DCDC1: variants seen among roughly 807,000 people sequenced by gnomAD.
DCDC1 encodes the protein doublecortin domain-containing protein 1.
In DCDC1, 200 loss-of-function variants were observed where a neutral mutation model predicts 178.3. That is an observed-to-expected ratio of 1.12 (90% CI 1.00 to 1.26). The LOEUF (loss-of-function observed/expected upper bound fraction) is 1.26. Ranked by LOEUF, DCDC1 falls within the 50% of genes most tolerant of loss-of-function variation. DCDC1 has a pLI of 0.00. For missense variants in DCDC1, 1,983 were observed against 1,749.2 expected, an observed-to-expected ratio of 1.13 and a Z score of -2.38; for synonymous variants, 690 against 604.8, an observed-to-expected ratio of 1.14 and a Z score of -2.07.
intron 11 of DCDC1, among the ~76,000 whole-genome samples, chr11:31,125,606 T>C (rs773197484): frequency 6.6e-6 from 1 of 152,108 alleles, no homozygotes; most frequent in Non-Finnish European, 1.5e-5. Context: ...TGAAAAGGAA[T>C]GAGATCATGT....
chr11:30,929,831 C>G lies in DCDC1; in HGVS notation c.2897+1940G>C, dbSNP rs144166293. On this transcript the variant is annotated intron_variant, in intron 22 of 38. Coordinates refer to ENST00000684477, the MANE Select transcript of DCDC1 (RefSeq NM_001387274.1). The stretch of plus-strand genomic sequence containing the variant: ...AAGGTCTTAATTTATATAAACTCGA[C>G]AGTCACTATTAAGACTAATTGACAA... Among the ~76,000 whole-genome samples the G allele has an allele frequency of 3.9e-5, 6 of 152,168 alleles. No homozygotes were observed. The East Asian group carries it at 1.2e-3, about 29-fold the overall frequency.
intron 27 of DCDC1, among the ~76,000 whole-genome samples, chr11:30,914,909 C>A (rs992928022): frequency 2.6e-5 from 4 of 152,246 alleles, no homozygotes; most frequent in Admixed American, 2.6e-4. Context: ...TTAATGTCAT[C>A]AGATAGCCAA....
At chr11:31,262,426 A>G (rs1411985328) in intron 8 of DCDC1, among the ~76,000 whole-genome samples, 2 of 152,218 alleles carry the variant, frequency 1.3e-5, no homozygotes. Context: ...GGAAAACTTA[A>G]AAGTATATCT....
At chr11:31,155,127 TTTG>T (rs1175019751) in intron 9 of DCDC1, among the ~76,000 whole-genome samples, 2 of 152,224 alleles carry the variant, frequency 1.3e-5, no homozygotes, top group Non-Finnish European at 2.9e-5. Context: ...AGCTAAAACT[TTTG>T]TTGTTCACAA....
chr11:30,888,155 AAAGAAAGG>A (rs1161896389), intron 36 of DCDC1, among the ~76,000 whole-genome samples: 9 of 140,388 alleles, frequency 6.4e-5, no homozygotes, highest in African/African-American at 2.5e-4. Context: ...AGAAAGAAAG[AAAGAAAGG>A]GAAAGAAAGA....
chr11:31,340,035 A>G (rs1950463879), intron 1 of DCDC1, among the ~76,000 whole-genome samples: 1 of 152,168 alleles, frequency 6.6e-6, no homozygotes, highest in African/African-American at 2.4e-5. Flanking sequence ...CTTGATGAAA[A>G]TAATGTTTTA....
At chr11:30,903,435 G>C (rs759401822) in intron 32 of DCDC1, 47 bp downstream of exon 32, 5 of 1,437,472 alleles carry the variant, frequency 3.5e-6, no homozygotes, top group Non-Finnish European at 3.7e-6. Flanking sequence ...ACGTTTTCAT[G>C]ATCAAGCATA....
rs1958662352 is a variant in DCDC1 at position 31,103,758 on chromosome 11, T to G, written c.1763A>C (p.Asn588Thr). The G allele has an allele frequency of 1.3e-6, 1 of 762,488 alleles. No homozygotes were observed. Among genetic ancestry groups the G allele is most frequent in the Non-Finnish European group, 2.4e-6 (1 of 416,970 alleles). The allele number at this position is 762,488 out of a possible 1,614,324, so 47.2% of individuals were successfully genotyped here. Residue 588 changes from asparagine (N) to threonine (T), a missense_variant, in exon 14 of 39, where the codon AAT becomes ACT. Coordinates refer to ENST00000684477, the MANE Select transcript of DCDC1 (RefSeq NM_001387274.1). ...GTCAAAGGTCAAACCCAAAGCAAGA[T>G]TTAGTGGAGATCTGAAAAACGGATA... ...SYGRAYRSPL[N>T]LALGLTFDRV...
intron 9 of DCDC1, among the ~76,000 whole-genome samples, chr11:31,138,799 T>C (rs1051454701): frequency 1.3e-5 from 2 of 151,968 alleles, no homozygotes; most frequent in African/African-American, 2.4e-5. Context: ...GGAAGGGAGG[T>C]TCAAAAATAT....
At chr11:31,315,615 C>A (rs1291805153) in intron 3 of DCDC1, among the ~76,000 whole-genome samples, 2 of 145,992 alleles carry the variant, frequency 1.4e-5, no homozygotes. Context: ...GGATTACAGG[C>A]GTGAGCCACC....
At chr11:31,130,049 T>C (rs990198944) in intron 10 of DCDC1, among the ~76,000 whole-genome samples, 4 of 152,078 alleles carry the variant, frequency 2.6e-5, no homozygotes, top group Non-Finnish European at 4.4e-5. Context: ...AATGAGGAAA[T>C]TGCATCCCAG....
intron 3 of DCDC1, among the ~76,000 whole-genome samples, chr11:31,327,244 C>T (rs1437800190): frequency 6.6e-6 from 1 of 152,160 alleles, no homozygotes; most frequent in Non-Finnish European, 1.5e-5. Context: ...TCTTGGCTCA[C>T]CGCAACCTCC....
At chr11:31,043,808 G>A (rs1387200963) in intron 20 of DCDC1, among the ~76,000 whole-genome samples, 2 of 139,434 alleles carry the variant, frequency 1.4e-5, no homozygotes, top group East Asian at 4.0e-4. Flanking sequence ...GTGTGTGTGT[G>A]TTTCTTTTTG....
chr11:31,293,682 C>G (rs1591665762), intron 6 of DCDC1, among the ~76,000 whole-genome samples: 2 of 152,140 alleles, frequency 1.3e-5, no homozygotes, highest in East Asian at 3.9e-4. Flanking sequence ...TTTATAGATA[C>G]TACCTTATTT....
chr11:31,284,569 AT>A (rs1439729236), intron 7 of DCDC1, among the ~76,000 whole-genome samples: 3 of 152,136 alleles, frequency 2.0e-5, no homozygotes, highest in Non-Finnish European at 4.4e-5. Flanking sequence ...AAATGTACAT[AT>A]AAAAACTATA....
intron 20 of DCDC1, among the ~76,000 whole-genome samples, chr11:31,001,164 T>C (rs886832007): frequency 6.6e-6 from 1 of 152,194 alleles, no homozygotes; most frequent in African/African-American, 2.4e-5. Context: ...GTCATTTATT[T>C]GTGTCAGTAT....
intron 6 of DCDC1, among the ~76,000 whole-genome samples, chr11:31,300,136 G>A (rs977041516): frequency 5.3e-5 from 8 of 152,100 alleles, no homozygotes; most frequent in Non-Finnish European, 8.8e-5. Context: ...GATTACAGGC[G>A]AGAGCCACCA....
chr11:31,359,802 G>A (rs1002440738), intron 1 of DCDC1, among the ~76,000 whole-genome samples: 1 of 152,130 alleles, frequency 6.6e-6, no homozygotes, highest in Non-Finnish European at 1.5e-5. Flanking sequence ...AAACTCTAAA[G>A]TTCTCTGTCT....
At chr11:31,313,397 C>A (rs1344086047) in intron 3 of DCDC1, among the ~76,000 whole-genome samples, 1 of 152,216 alleles carries the variant, frequency 6.6e-6, no homozygotes, top group East Asian at 1.9e-4. Flanking sequence ...ATGAACAATA[C>A]CTTTGTTCCC....
Sources: allele counts gnomAD v4.1 joint callset (sites outside exome capture counted in the v4.1 genomes callset), GRCh38; gene constraint gnomAD v4.1.1; transcripts MANE v1.5; gene names NCBI Gene and HGNC (gene_info 2026-07-23, HGNC 2026-07-21).